Variants in TNNI3K observed in about 807,000 individuals in gnomAD.
TNNI3K encodes TNNI3 interacting kinase.
TNNI3K carries 140 observed loss-of-function variants against 114.5 expected under a neutral mutation model. The observed-to-expected ratio is 1.22, with a 90% confidence interval of 1.07 to 1.41. The LOEUF is 1.41. TNNI3K is among the 40% of genes most tolerant of loss of function. TNNI3K has a pLI of 0.00. For synonymous variants in TNNI3K, 347 were observed against 347.5 expected (o/e 1.00, Z 0.02); for missense variants, 1,125 against 1,007.6 (o/e 1.12, Z -1.58).
chr1:74,447,442 G>T lies in TNNI3K; in HGVS notation c.2011+7820G>T, dbSNP rs1159411081. ...AAAACAAACAACCCCATCAAAAAGT[G>T]GGCGAAGGACATGAACAGACACTTC... On this transcript the variant is annotated intron_variant, in intron 20 of 24. Transcript: ENST00000326637. Among the ~76,000 whole-genome samples, 122 of 146,358 alleles carry T rather than the reference G, an allele frequency of 8.3e-4. 1 individual carries two copies. Among genetic ancestry groups the T allele is most frequent in the Non-Finnish European group, 8.6e-4 (58 of 67,660 alleles).
intron 17 of TNNI3K, among the ~76,000 whole-genome samples, chr1:74,392,576 A>T (rs951988308): frequency 6.6e-5 from 10 of 152,182 alleles, no homozygotes; most frequent in African/African-American, 2.4e-4. Flanking sequence ...GAAACCCCTG[A>T]TTCAATTTCT....
intron 5 of TNNI3K, among the ~76,000 whole-genome samples, chr1:74,303,584 G>A (rs1289450654): frequency 2.0e-5 from 3 of 152,162 alleles, no homozygotes; most frequent in Non-Finnish European, 4.4e-5. Context: ...TGATGGAGAT[G>A]TACAAGAAGG....
intron 17 of TNNI3K, chr1:74,376,773 A>C (rs1662925252): frequency 6.6e-6 from 1 of 151,938 alleles, no homozygotes; most frequent in Non-Finnish European, 1.5e-5. Flanking sequence ...ATAGAGCCTA[A>C]GGAAGCATTT....
intron 9 of TNNI3K, among the ~76,000 whole-genome samples, chr1:74,344,275 A>G (rs978021769): frequency 6.6e-6 from 1 of 152,194 alleles, no homozygotes; most frequent in Non-Finnish European, 1.5e-5. Flanking sequence ...ATTCGCATCC[A>G]TTATCTCATG....
intron 21 of TNNI3K, among the ~76,000 whole-genome samples, chr1:74,485,483 T>A (rs572982282): frequency 3.3e-5 from 5 of 152,318 alleles, no homozygotes; most frequent in Admixed American, 1.3e-4. Context: ...CTACTGCGTA[T>A]TTGTGATAAG....
intron 17 of TNNI3K, among the ~76,000 whole-genome samples, chr1:74,410,600 T>C (rs894666581): frequency 6.6e-6 from 1 of 152,222 alleles, no homozygotes; most frequent in African/African-American, 2.4e-5. Flanking sequence ...GTCTAATATT[T>C]CTCGAAGAGC....
chr1:74,536,992 C>A (rs529543312), intron 23 of TNNI3K, among the ~76,000 whole-genome samples: 2 of 152,256 alleles, frequency 1.3e-5, no homozygotes, highest in African/African-American at 2.4e-5. Context: ...GGTCTGGTTT[C>A]TTCTGTTTTG....
Position 74,345,535 on chromosome 1 carries a change from C to T in TNNI3K, c.932+2356C>T, listed in dbSNP as rs45529439. On this transcript the variant is annotated intron_variant, in intron 9 of 24. Transcript: ENST00000326637. ...ATGATATTTCATGAAAGAAAAATGA[C>T]TTAGGCAAGCTTAGGCAAGGCCATC... Among the ~76,000 whole-genome samples, 1,114 of 152,158 alleles carry T rather than the reference C, an allele frequency of 7.3e-3. 15 individuals carry two copies. The highest frequency in any genetic ancestry group is 0.025 in the African/African-American group (1,037 of 41,514).
intron 11 of TNNI3K, among the ~76,000 whole-genome samples, chr1:74,367,032 G>A (rs1662308285): frequency 1.3e-5 from 2 of 151,962 alleles, no homozygotes; most frequent in South Asian, 4.1e-4. Flanking sequence ...TGCATCACCA[G>A]TACCCATTCC....
intron 17 of TNNI3K, among the ~76,000 whole-genome samples, chr1:74,430,546 C>T (rs973931256): frequency 7.9e-5 from 12 of 152,110 alleles, no homozygotes; most frequent in African/African-American, 2.9e-4. Context: ...AAGGTCAGAG[C>T]ATGGATTCTA....
chr1:74,261,344 T>G (rs1348073342), intron 4 of TNNI3K, among the ~76,000 whole-genome samples: 2 of 152,098 alleles, frequency 1.3e-5, no homozygotes, highest in African/African-American at 2.4e-5. Flanking sequence ...TATTATACTT[T>G]GGGTACTATA....
chr1:74,427,529 C>T (rs1344979170), intron 17 of TNNI3K, among the ~76,000 whole-genome samples: 2 of 151,950 alleles, frequency 1.3e-5, no homozygotes, highest in African/African-American at 4.8e-5. Flanking sequence ...ATCCACGGTA[C>T]CAATGCACTA....
At chr1:74,256,660 T>C (rs893484481) in intron 4 of TNNI3K, among the ~76,000 whole-genome samples, 4 of 152,116 alleles carry the variant, frequency 2.6e-5, no homozygotes, top group African/African-American at 9.7e-5. Flanking sequence ...CATACAGTTA[T>C]AGATTCTCAA....
intron 5 of TNNI3K, among the ~76,000 whole-genome samples, chr1:74,299,208 G>T (rs1370561978): frequency 6.6e-6 from 1 of 152,064 alleles, no homozygotes; most frequent in East Asian, 1.9e-4. Context: ...ACCCTGAAGC[G>T]TGCTGATTGG....
chr1:74,481,502 C>T (rs994456541), intron 21 of TNNI3K, among the ~76,000 whole-genome samples: 1 of 152,164 alleles, frequency 6.6e-6, no homozygotes, highest in Non-Finnish European at 1.5e-5. Context: ...TGCTTTCTAG[C>T]CCCAGGCTAA....
chr1:74,304,205 C>G (rs12082311), intron 5 of TNNI3K, among the ~76,000 whole-genome samples: 1 of 152,146 alleles, frequency 6.6e-6, no homozygotes, highest in Non-Finnish European at 1.5e-5. Flanking sequence ...GAGTAAAATG[C>G]TATTGAACAT....
In TNNI3K at chr1:74,279,412, A is replaced by G. The variant is rs562187745; in HGVS notation, c.444+7704A>G. ...AAAGTCTGATTTATTGATTAGCAAT[A>G]TAGTATAACCAGTGAACTTCTTTGA... On this transcript the variant is annotated intron_variant, in intron 5 of 24. Transcript: ENST00000326637. 2.6e-5 allele frequency among the ~76,000 whole-genome samples: 4 copies of G among 152,314 alleles called. No individual in the cohort carries two copies. In the East Asian group the frequency reaches 7.7e-4, roughly 29 times the overall value.
At chr1:74,351,609 A>G (rs201710421) in intron 9 of TNNI3K, among the ~76,000 whole-genome samples, 3 of 152,030 alleles carry the variant, frequency 2.0e-5, no homozygotes, top group African/African-American at 7.3e-5. Flanking sequence ...TACACCAATG[A>G]GACGTAGATT....
At chr1:74,328,414 C>T (rs544571339) in intron 5 of TNNI3K, among the ~76,000 whole-genome samples, 8 of 152,100 alleles carry the variant, frequency 5.3e-5, no homozygotes, top group South Asian at 4.2e-4. Flanking sequence ...GTCCACGTGA[C>T]GGACAATATA....
Sources: allele counts gnomAD v4.1 joint callset (sites outside exome capture counted in the v4.1 genomes callset), GRCh38; gene constraint gnomAD v4.1.1; transcripts MANE v1.5; gene names NCBI Gene and HGNC (gene_info 2026-07-23, HGNC 2026-07-21).